PITPNC1: variants seen among roughly 807,000 people sequenced by gnomAD.
The protein encoded by PITPNC1 is phosphatidylinositol transfer protein cytoplasmic 1.
Under a neutral mutation model 44.7 loss-of-function variants are expected in PITPNC1, and 18 were observed. That is an observed-to-expected ratio of 0.40 (90% CI 0.28 to 0.60). The LOEUF (loss-of-function observed/expected upper bound fraction) is 0.60, where lower values mean the gene tolerates loss of function less well. Among genes scored for constraint, PITPNC1 ranks in the 20% least tolerant of loss-of-function variants. PITPNC1 has a pLI of 0.39. For missense variants in PITPNC1, 290 were observed against 418.4 expected (o/e 0.69, Z 2.68); for synonymous variants, 141 against 149.6 (o/e 0.94, Z 0.42).
intron 6 of PITPNC1, among the ~76,000 whole-genome samples, chr17:67,668,303 G>A (rs1436918277): frequency 2.6e-5 from 4 of 152,182 alleles, no homozygotes; most frequent in Admixed American, 2.6e-4. Context: ...GTTTTTGCAT[G>A]TATCAGCCAT....
intron 6 of PITPNC1, among the ~76,000 whole-genome samples, chr17:67,660,518 T>TTTATTTATTTATTTA (rs1555578636): frequency 7.2e-6 from 1 of 139,380 alleles, no homozygotes; most frequent in East Asian, 2.1e-4. Flanking sequence ...TTTTATTTTA[T>TTTATTTATTTATTTA]TTTATTTATT....
chr17:67,564,605 T>C (rs192115583), intron 4 of PITPNC1, among the ~76,000 whole-genome samples: 385 of 152,298 alleles, frequency 2.5e-3, no homozygotes, highest in Non-Finnish European at 4.5e-3. Context: ...TTTACTAGGC[T>C]TCTAGGTATT....
At chr17:67,585,118 G>GAAAAAAAAA (rs397857902) in intron 5 of PITPNC1, among the ~76,000 whole-genome samples, 1 of 82,078 alleles carries the variant, frequency 1.2e-5, no homozygotes, top group Non-Finnish European at 2.7e-5. Flanking sequence ...CTCCATCTCA[G>GAAAAAAAAA]AAAAAAAAAA....
chr17:67,651,073 A>G (rs1026823312), intron 6 of PITPNC1, among the ~76,000 whole-genome samples: 3 of 152,204 alleles, frequency 2.0e-5, no homozygotes, highest in African/African-American at 7.2e-5. Flanking sequence ...CAAAGCAAGA[A>G]TTGACTGCTT....
chr17:67,468,562 C>G (rs1198922020), intron 1 of PITPNC1, among the ~76,000 whole-genome samples: 1 of 146,414 alleles, frequency 6.8e-6, no homozygotes, highest in Admixed American at 6.9e-5. Context: ...CCACCACGCC[C>G]AGCTAAATTT....
At chr17:67,511,260 T>A (rs1598759585) in intron 1 of PITPNC1, among the ~76,000 whole-genome samples, 1 of 152,318 alleles carries the variant, frequency 6.6e-6, no homozygotes, top group Non-Finnish European at 1.5e-5. Context: ...GATGGACAAC[T>A]GGAGTTTTTC....
intron 5 of PITPNC1, among the ~76,000 whole-genome samples, chr17:67,581,382 A>G (rs2041231935): frequency 6.6e-6 from 1 of 152,168 alleles, no homozygotes; most frequent in Admixed American, 6.5e-5. Flanking sequence ...TCTAGGAGAA[A>G]TCTCAGCTGT....
At chr17:67,495,044 T>TTTG (rs2039928750) in intron 1 of PITPNC1, among the ~76,000 whole-genome samples, 1 of 61,866 alleles carries the variant, frequency 1.6e-5, no homozygotes, top group Non-Finnish European at 3.1e-5. Context: ...GGAGTTGTTT[T>TTTG]TTTTTTTGTT....
intron 8 of PITPNC1, 110 bp from the exon 9 acceptor site, chr17:67,692,462 C>T (rs780025488): frequency 1.5e-5 from 11 of 749,922 alleles, no homozygotes; most frequent in Non-Finnish European, 2.5e-5. Context: ...CGGGAGAGGC[C>T]CCTTTATGAT....
intron 7 of PITPNC1, among the ~76,000 whole-genome samples, chr17:67,670,659 G>A (rs2042496991): frequency 6.7e-6 from 1 of 148,618 alleles, no homozygotes; most frequent in African/African-American, 2.5e-5. Context: ...CTGAGGCAGG[G>A]AGAATTGCTT....
intron 6 of PITPNC1, among the ~76,000 whole-genome samples, chr17:67,644,425 ATTTTTTTTTT>A (rs750245444): frequency 7.3e-5 from 8 of 109,040 alleles, no homozygotes; most frequent in African/African-American, 1.2e-4. Context: ...TCCCTCTGTA[ATTTTTTTTTT>A]TTTTTTTTTT....
At chr17:67,496,809 T>G (rs2039958011) in intron 1 of PITPNC1, among the ~76,000 whole-genome samples, 1 of 152,174 alleles carries the variant, frequency 6.6e-6, no homozygotes, top group African/African-American at 2.4e-5. Flanking sequence ...AAGTAGGTTT[T>G]AAAAATTCAA....
At chr17:67,551,076 AAAAC>A (rs1390392373) in intron 2 of PITPNC1, among the ~76,000 whole-genome samples, 2 of 151,950 alleles carry the variant, frequency 1.3e-5, no homozygotes, top group Admixed American at 6.6e-5. Flanking sequence ...AAAACAAAAC[AAAAC>A]AAACAAAAAA....
chr17:67,525,149 C>T (rs1028319341), intron 1 of PITPNC1: 3 of 152,180 alleles, frequency 2.0e-5, no homozygotes, highest in Admixed American at 1.3e-4. Context: ...AATTCAATCC[C>T]TCTATTCCAT....
At chr17:67,454,021 C>T (rs919948346) in intron 1 of PITPNC1, among the ~76,000 whole-genome samples, 4 of 152,058 alleles carry the variant, frequency 2.6e-5, no homozygotes, top group South Asian at 2.1e-4. Flanking sequence ...GAGGCCAAGG[C>T]GGGCAGATCG....
At chr17:67,495,819 A>G (rs1481599596) in intron 1 of PITPNC1, among the ~76,000 whole-genome samples, 1 of 152,238 alleles carries the variant, frequency 6.6e-6, no homozygotes, top group African/African-American at 2.4e-5. Context: ...AGCTATGGTC[A>G]TAACATATAA....
intron 4 of PITPNC1, among the ~76,000 whole-genome samples, chr17:67,567,577 G>T (rs541291277): frequency 1.3e-5 from 2 of 152,288 alleles, no homozygotes; most frequent in South Asian, 2.1e-4. Flanking sequence ...ATGTACAAGG[G>T]TGCAGCCACT....
At position 67,578,388 on chromosome 17, in the gene PITPNC1, T is replaced by C. The variant is rs991569276; in HGVS notation, c.366+131T>C. On this transcript the variant is annotated intron_variant, in intron 5 of 8. Transcript: ENST00000581322. ...GGGACCTCAGAGATGTTCTGGCCTT[T>C]GGCTTCTGAGGGTTATTTCCCTGGG... 3.2e-5 allele frequency: 21 copies of C among 652,316 alleles called. No homozygotes were observed. In the African/African-American group the frequency reaches 3.3e-4, roughly 10 times the overall value. The allele number at this position is 652,316 out of a possible 1,614,324, so 40.4% of individuals were successfully genotyped here. A position where few individuals can be genotyped will look rare whatever the true frequency, so the allele number is the denominator to read the frequency against.
At chr17:67,395,842 A>G (rs945532028) in intron 1 of PITPNC1, among the ~76,000 whole-genome samples, 1 of 152,206 alleles carries the variant, frequency 6.6e-6, no homozygotes, top group East Asian at 1.9e-4. Context: ...GCATTTAGTC[A>G]TCGGGGTACA....
Sources: gnomAD v4.1 joint callset for allele counts (sites outside exome capture counted in the v4.1 genomes callset) on GRCh38, gnomAD v4.1.1 for gene constraint, MANE v1.5 for transcripts, NCBI Gene and HGNC (gene_info 2026-07-23, HGNC 2026-07-21) for gene names.